PHC1: variants seen among roughly 807,000 people sequenced by gnomAD.
PHC1 encodes polyhomeotic-like protein 1.
Under a neutral mutation model 104.3 loss-of-function variants are expected in PHC1, and 12 were observed. That is an observed-to-expected ratio of 0.12 (90% CI 0.07 to 0.19). The LOEUF is 0.19. Ranked by LOEUF, PHC1 falls within the 10% of genes least tolerant of loss-of-function variation. PHC1 has a pLI of 1.00. For synonymous variants in PHC1, 302 were observed against 455.8 expected (o/e 0.66, Z 4.30); for missense variants, 671 against 1,200.0 (o/e 0.56, Z 6.51).
At chr12:8,916,787 C>T (rs4882969) in intron 1 of PHC1, among the ~76,000 whole-genome samples, 130,361 of 152,056 alleles carry the variant, frequency 0.86, 57,231 homozygotes, top group South Asian at 0.97. Context: ...TATGAAGCCT[C>T]CTTTGCAGTG....
rs892826834 is a variant in PHC1, at chr12:8,914,726, G to A, written c.-150G>A. 1 of 152,004 alleles carries A rather than the reference G, an allele frequency of 6.6e-6. No individual in the cohort carries two copies. The highest frequency in any genetic ancestry group is 2.4e-5 in the African/African-American group (1 of 41,352). 9.4% of individuals were successfully genotyped at this position (152,004 alleles called of 1,614,324 possible). A position where few individuals can be genotyped will look rare whatever the true frequency, so the allele number is the denominator to read the frequency against. On this transcript the variant is annotated 5_prime_UTR_variant, in exon 1 of 15. Transcript: ENST00000544916. ...GGGGAGGAGGCGAGGGGAGCCCGCC[G>A]CGGAGGCCGAGCGAGCCCCCAGCCC...
chr12:8,916,497 A>C (rs1328165337), intron 1 of PHC1, among the ~76,000 whole-genome samples: 2 of 152,188 alleles, frequency 1.3e-5, no homozygotes, highest in Admixed American at 1.3e-4. Flanking sequence ...GTAGCTTAAC[A>C]AAAGAGAAAA....
Position 8,922,698 on chromosome 12 carries a change from A to G in PHC1, c.522A>G (p.Gln174=), listed in dbSNP as rs200633434. 6 of 1,608,662 alleles carry G rather than the reference A, an allele frequency of 3.7e-6. No individual in the cohort carries two copies. The highest frequency in any genetic ancestry group is 1.7e-5 in the Admixed American group (1 of 59,242). Residue 174 remains glutamine, a synonymous_variant, in exon 6 of 15, where the codon CAA becomes CAG. Coordinates refer to ENST00000544916, the MANE Select transcript of PHC1 (RefSeq NM_004426.3). ...TLGRNVPLAS[Q]LILMPNGAVA... is the part of the protein sequence containing the mutation. ...GTCGGAATGTGCCTCTAGCCTCCCA[A>G]CTCATCCTGATGCCTAATGGGGCGG...
rs763321959 is a variant in PHC1, at chr12:8,937,707, G to T, written c.2629-122G>T. 3.4e-5 allele frequency: 24 copies of T among 701,298 alleles called. No homozygotes were observed. The African/African-American group carries it at 4.3e-4, about 13-fold the overall frequency. 43.4% of individuals were successfully genotyped at this position (701,298 alleles called of 1,614,324 possible). A position where few individuals can be genotyped will look rare whatever the true frequency, so the allele number is the denominator to read the frequency against. ...TTTGGGAATTTGCAAATAAAGTGCT[G>T]CTTATTTCACATATGATAAGATGAG... On this transcript the variant is annotated intron_variant, in intron 13 of 14. Coordinates refer to ENST00000544916, the MANE Select transcript of PHC1 (RefSeq NM_004426.3).
Position 8,921,619 on chromosome 12 carries a change from T to G in PHC1, c.325T>G (p.Ser109Ala). ...CACACAGATCAATCTGGCCACCACA[T>G]CGGCCGCCCAGCTCATCAGCCGATC... ...TQASINLATT[S>A]AAQLISRSQS... Residue 109 changes from serine to alanine, a missense_variant, in exon 5 of 15, where the codon TCG becomes GCG. Ser to Ala is a moderately conservative substitution (Grantham distance 99). Coordinates refer to ENST00000544916, the MANE Select transcript of PHC1 (RefSeq NM_004426.3). 6.2e-7 allele frequency: 1 copy of G among 1,613,666 alleles called. No individual in the cohort carries two copies. The highest frequency in any genetic ancestry group is 1.3e-5 in the African/African-American group (1 of 75,016).
In PHC1 at chr12:8,922,785, T is replaced by C; in HGVS notation, c.609T>C (p.Asp203=). ...CTCCTGGAGTTCATGCAGATGCAGA[T>C]CAGGTTAGTGGCGATGACTTTACCT... ...AQSPGVHADA[D]QVQNLAVRNQ... The change falls in exon 6 of 15, where the codon GAT becomes GAC. Residue 203 remains aspartate (D), a synonymous_variant. Transcript: ENST00000544916. 1.2e-6 allele frequency: 2 copies of C among 1,612,868 alleles called. No individual in the cohort carries two copies. The highest frequency in any genetic ancestry group is 1.7e-6 in the Non-Finnish European group (2 of 1,179,564).
chr12:8,923,738 G>C (rs1248919521), intron 6 of PHC1, among the ~76,000 whole-genome samples: 1 of 149,826 alleles, frequency 6.7e-6, no homozygotes, highest in Non-Finnish European at 1.5e-5. Flanking sequence ...GCTGAGGCCC[G>C]AGAATGGCAT....
In PHC1 at chr12:8,930,549, G is replaced by A. The variant is rs1945652574; in HGVS notation, c.727G>A (p.Ala243Thr). 1 of 1,568,272 alleles carries A rather than the reference G, an allele frequency of 6.4e-7. No homozygotes were observed. Among genetic ancestry groups the A allele is most frequent in the Non-Finnish European group, 8.6e-7 (1 of 1,156,638 alleles). The change falls in exon 7 of 15, where the codon GCC becomes ACC. Residue 243 changes from alanine (A) to threonine (T), a missense_variant. Physicochemically the swap from Ala to Thr is moderately conservative, Grantham distance 58. Coordinates refer to ENST00000544916, the MANE Select transcript of PHC1 (RefSeq NM_004426.3). Reference sequence around the variant, plus strand: ...CTCCCCTGTCTCTAGCCTCTCCCAGGCCTCTAGCCAGGCCCTAGCGGTGGC... The same window carrying A: ...CTCCCCTGTCTCTAGCCTCTCCCAGACCTCTAGCCAGGCCCTAGCGGTGGC... Reference protein sequence around the residue: ...GASPVSSLSQASSQALAVAQA... With the variant: ...GASPVSSLSQTSSQALAVAQA...
chr12:8,938,738 C>T (rs1322775498), intron 14 of PHC1, among the ~76,000 whole-genome samples: 1 of 152,172 alleles, frequency 6.6e-6, no homozygotes, highest in Non-Finnish European at 1.5e-5. Flanking sequence ...CTCTCCCTTT[C>T]CCCTGTCTCT....
At chr12:8,922,603 C>G in intron 5 of PHC1, 30 bp from the exon 6 acceptor site, 3 of 1,547,966 alleles carry the variant, frequency 1.9e-6, no homozygotes, top group Non-Finnish European at 2.6e-6. Context: ...CTCTTGTCCT[C>G]TTTGCTCTTC....
intron 2 of PHC1, among the ~76,000 whole-genome samples, chr12:8,918,553 C>T (rs1237912296): frequency 1.3e-5 from 2 of 152,114 alleles, no homozygotes; most frequent in Non-Finnish European, 2.9e-5. Flanking sequence ...TCAGTGCTCA[C>T]TGCAGCCTCA....
rs1160563713 is a variant in PHC1, at chr12:8,914,728, G to A, written c.-148G>A. On this transcript the variant is annotated 5_prime_UTR_variant, in exon 1 of 15. Coordinates refer to ENST00000544916, the MANE Select transcript of PHC1 (RefSeq NM_004426.3). ...GGAGGAGGCGAGGGGAGCCCGCCGC[G>A]GAGGCCGAGCGAGCCCCCAGCCCAG... is the stretch of plus-strand genomic sequence containing the variant. The A allele has an allele frequency of 6.6e-6, 1 of 152,084 alleles. No individual in the cohort carries two copies. Among genetic ancestry groups the A allele is most frequent in the African/African-American group, 2.4e-5 (1 of 41,378 alleles). 9.4% of individuals were successfully genotyped at this position (152,084 alleles called of 1,614,324 possible).
chr12:8,918,220 A>C (rs775036038), intron 2 of PHC1, among the ~76,000 whole-genome samples: 1 of 152,228 alleles, frequency 6.6e-6, no homozygotes, highest in Non-Finnish European at 1.5e-5. Flanking sequence ...GGTTACTAGA[A>C]TAACTATACA....
chr12:8,926,947 G>A (rs762926159), intron 6 of PHC1, among the ~76,000 whole-genome samples: 7 of 152,156 alleles, frequency 4.6e-5, no homozygotes, highest in Non-Finnish European at 8.8e-5. Flanking sequence ...GATAGTACAG[G>A]TTGAGGAGAG....
intron 6 of PHC1, among the ~76,000 whole-genome samples, chr12:8,929,135 C>T (rs2137098869): frequency 6.6e-6 from 1 of 152,290 alleles, no homozygotes; most frequent in Non-Finnish European, 1.5e-5. Flanking sequence ...ATTTATACTT[C>T]AATCAGAAAT....
At chr12:8,939,144 G>T (rs1014692978) in intron 14 of PHC1, among the ~76,000 whole-genome samples, 161 bp from the exon 15 acceptor site, 10 of 152,162 alleles carry the variant, frequency 6.6e-5, no homozygotes, top group Non-Finnish European at 1.3e-4. Context: ...AATACCAGTT[G>T]CTTTCTAATT....
intron 6 of PHC1, among the ~76,000 whole-genome samples, chr12:8,928,424 C>T (rs1945590896): frequency 1.5e-5 from 1 of 65,922 alleles, no homozygotes; most frequent in African/African-American, 3.3e-5. Flanking sequence ...TCGTCATAAC[C>T]TGTTAAAATT....
chr12:8,922,491 G>T, intron 5 of PHC1, 142 bp from the exon 6 acceptor site: 1 of 652,346 alleles, frequency 1.5e-6, no homozygotes. Context: ...AGAATATGAG[G>T]CTCCTGGGTT....
At position 8,937,851 on chromosome 12, in the gene PHC1, G is replaced by T; in HGVS notation, c.2651G>T (p.Gly884Val). ...TAGGGTCAAGAAGACTCTAGCCGGG[G>T]TTCAGATAATTCCAGTTATGATGAA... ...CHRGQEDSSR[G>V]SDNSSYDEAL... Residue 884 changes from glycine (G) to valine (V), a missense_variant, in exon 14 of 15, where the codon GGT becomes GTT. Coordinates refer to ENST00000544916, the MANE Select transcript of PHC1 (RefSeq NM_004426.3). The T allele has an allele frequency of 6.2e-7, 1 of 1,612,888 alleles. No homozygotes were observed. Among genetic ancestry groups the T allele is most frequent in the South Asian group, 1.1e-5 (1 of 91,014 alleles).
Sources: gnomAD v4.1 joint callset for allele counts (sites outside exome capture counted in the v4.1 genomes callset) on GRCh38, gnomAD v4.1.1 for gene constraint, MANE v1.5 for transcripts, NCBI Gene and HGNC (gene_info 2026-07-23, HGNC 2026-07-21) for gene names.